SERP2: variants seen among roughly 807,000 people sequenced by gnomAD.
SERP2 encodes stress-associated endoplasmic reticulum protein 2.
SERP2 carries 6 observed loss-of-function variants against 9.1 expected under a neutral mutation model. The observed-to-expected ratio is 0.66, with a 90% confidence interval of 0.36 to 1.30. SERP2 has a LOEUF of 1.30. Ranked by LOEUF, SERP2 falls within the 50% of genes most tolerant of loss-of-function variation. The pLI is 0.03. For synonymous variants in SERP2, 37 were observed against 27.3 expected, an observed-to-expected ratio of 1.35 and a Z score of -1.10; for missense variants, 58 against 81.9, an observed-to-expected ratio of 0.71 and a Z score of 1.13.
At chr13:44,392,364 G>A (rs1042679701) in intron 2 of SERP2, among the ~76,000 whole-genome samples, 3 of 151,974 alleles carry the variant, frequency 2.0e-5, no homozygotes, top group Non-Finnish European at 2.9e-5. Context: ...ATTGGGCAAC[G>A]GGAAGCTTTT....
chr13:44,374,146 CAG>C, intron 1 of SERP2, 37 bp downstream of exon 1: 1 of 1,365,350 alleles, frequency 7.3e-7, no homozygotes, highest in Non-Finnish European at 9.9e-7. Flanking sequence ...CAGAGCCCTG[CAG>C]CCCGGCGGGG....
At chr13:44,374,999 A>G (rs1421502351) in intron 1 of SERP2, among the ~76,000 whole-genome samples, 1 of 152,160 alleles carries the variant, frequency 6.6e-6, no homozygotes. Flanking sequence ...AGCAAAGCAG[A>G]TTATCATCAA....
At chr13:44,392,251 A>T (rs1249006804) in intron 2 of SERP2, among the ~76,000 whole-genome samples, 18 of 147,340 alleles carry the variant, frequency 1.2e-4, no homozygotes, top group Non-Finnish European at 1.8e-4. Flanking sequence ...GAGCTTTTGA[A>T]AACATGAGGG....
intron 2 of SERP2, among the ~76,000 whole-genome samples, chr13:44,392,120 C>A (rs1249684972): frequency 1.3e-4 from 18 of 137,130 alleles, no homozygotes; most frequent in Admixed American, 6.8e-4. Context: ...ATCGCTTGAA[C>A]CCGGAAGACA....
chr13:44,386,410 C>A (rs1384917857), intron 2 of SERP2, among the ~76,000 whole-genome samples: 2 of 152,068 alleles, frequency 1.3e-5, no homozygotes, highest in African/African-American at 4.8e-5. Flanking sequence ...TTTTTTGAGA[C>A]AGTCTCACTG....
At chr13:44,380,212 G>A (rs1871893752) in intron 2 of SERP2, among the ~76,000 whole-genome samples, 2 of 152,180 alleles carry the variant, frequency 1.3e-5, no homozygotes, top group African/African-American at 4.8e-5. Context: ...TTACACACAT[G>A]CAGATACACA....
At chr13:44,390,080 C>T (rs1472025394) in intron 2 of SERP2, among the ~76,000 whole-genome samples, 1 of 152,168 alleles carries the variant, frequency 6.6e-6, no homozygotes, top group Non-Finnish European at 1.5e-5. Flanking sequence ...TTACTGTTTC[C>T]CTAGAAGTTG....
intron 2 of SERP2, among the ~76,000 whole-genome samples, chr13:44,389,689 G>C (rs1872523525): frequency 6.6e-6 from 1 of 152,152 alleles, no homozygotes; most frequent in African/African-American, 2.4e-5. Context: ...CAGCCCCCCT[G>C]GATAGATAAA....
At chr13:44,379,600 A>T in intron 1 of SERP2, 41 bp from the exon 2 acceptor site, 1 of 1,439,536 alleles carries the variant, frequency 6.9e-7, no homozygotes, top group Non-Finnish European at 9.7e-7. Flanking sequence ...TTGTTTATTG[A>T]GTCAATGAAC....
chr13:44,392,196 C>CAAAAAA lies in SERP2; in HGVS notation c.158-5064_158-5059dup, dbSNP rs760513486. On this transcript the variant is annotated intron_variant, in intron 2 of 2. Transcript: ENST00000379179. The stretch of plus-strand genomic sequence containing the variant: ...CTGGTGACAGAGTGAGACTCTGTCT[C>CAAAAAA]AAAAAAAAAAAAAAAAAGCCCTGTG... 1.2e-3 allele frequency among the ~76,000 whole-genome samples: 42 copies of CAAAAAA among 35,984 alleles called. 5 individuals carry two copies. The highest frequency in any genetic ancestry group is 1.5e-3 in the Non-Finnish European group (34 of 22,700). The allele number at this position is 35,984 out of a possible 152,430, so 23.6% of individuals were successfully genotyped here.
intron 2 of SERP2, among the ~76,000 whole-genome samples, chr13:44,384,573 C>T (rs1872209380): frequency 6.6e-6 from 1 of 152,192 alleles, no homozygotes; most frequent in African/African-American, 2.4e-5. Context: ...CCCTGGCCTG[C>T]AACACTCAGG....
In SERP2 at chr13:44,397,536, G is replaced by C; in HGVS notation, c.*224G>C. 1.7e-6 allele frequency: 1 copy of C among 579,692 alleles called. No homozygotes were observed. 35.9% of individuals were successfully genotyped at this position (579,692 alleles called of 1,614,324 possible). ...AGCGGAAAGGACATTTTGCTTTTCTGTTGGCAGGATTAGTAGCCACGCGGG... is the reference window on the plus strand; with the variant it reads ...AGCGGAAAGGACATTTTGCTTTTCTCTTGGCAGGATTAGTAGCCACGCGGG... On this transcript the variant is annotated 3_prime_UTR_variant, in exon 3 of 3. Coordinates refer to ENST00000379179, the MANE Select transcript of SERP2 (RefSeq NM_001010897.3).
intron 2 of SERP2, among the ~76,000 whole-genome samples, chr13:44,393,429 A>G (rs1872898035): frequency 6.6e-6 from 1 of 152,164 alleles, no homozygotes; most frequent in Admixed American, 6.6e-5. Flanking sequence ...AAGGGCCAGG[A>G]TCCTTGACAC....
Position 44,391,390 on chromosome 13 carries a change from A to G in SERP2, c.158-5882A>G, listed in dbSNP as rs60254418. ...TGTAATTTCCTCTGTGCTCTTTGCA[A>G]TCGTTCACTTTTCAGTAATTCAATA... On this transcript the variant is annotated intron_variant, in intron 2 of 2. Transcript: ENST00000379179. Among the ~76,000 whole-genome samples, 1,175 of 152,318 alleles carry G rather than the reference A, an allele frequency of 7.7e-3. 24 individuals carry two copies. The highest frequency in any genetic ancestry group is 0.037 in the Admixed American group (562 of 15,306).
upstream of SERP2, chr13:44,373,704 G>A (rs907131401): frequency 1.9e-5 from 6 of 320,960 alleles, no homozygotes; most frequent in South Asian, 2.9e-4. This position sits in a 1 kb window ranked among gnomAD's most constrained non-coding sequence, Gnocchi z 4.8. Flanking sequence ...GCTGCGCTCC[G>A]GCCGCTCGGC....
intron 2 of SERP2, among the ~76,000 whole-genome samples, chr13:44,391,627 A>C (rs1872775640): frequency 6.6e-6 from 1 of 152,228 alleles, no homozygotes; most frequent in Non-Finnish European, 1.5e-5. Flanking sequence ...GTGTACTCTC[A>C]GGTAAGTGGT....
chr13:44,392,755 G>A (rs1010667985), intron 2 of SERP2, among the ~76,000 whole-genome samples: 3 of 152,144 alleles, frequency 2.0e-5, no homozygotes, highest in Admixed American at 6.5e-5. Flanking sequence ...ATATCAACTA[G>A]ATAGTGGAAG....
chr13:44,388,854 T>G (rs1439199412), intron 2 of SERP2, among the ~76,000 whole-genome samples: 1 of 152,184 alleles, frequency 6.6e-6, no homozygotes, highest in Non-Finnish European at 1.5e-5. Context: ...GCTGGAGGCC[T>G]CTCCATTTCT....
Position 44,390,335 on chromosome 13 carries a change from C to T in SERP2, c.158-6937C>T, listed in dbSNP as rs774921932. 178 of 421,108 alleles carry T rather than the reference C, an allele frequency of 4.2e-4. 1 individual carries two copies. Among genetic ancestry groups the T allele is most frequent in the South Asian group, 2.6e-3 (162 of 61,668 alleles). The allele number at this position is 421,108 out of a possible 1,614,324, so 26.1% of individuals were successfully genotyped here. A position where few individuals can be genotyped will look rare whatever the true frequency, so the allele number is the denominator to read the frequency against. Reference sequence around the variant, plus strand: ...CCCTGGACACTTGCTCCAGGACAGACTTGAATTCGCCATATTTGCAGGTCA... The same window carrying T: ...CCCTGGACACTTGCTCCAGGACAGATTTGAATTCGCCATATTTGCAGGTCA... On this transcript the variant is annotated intron_variant, in intron 2 of 2. Transcript: ENST00000379179.
Sources: gnomAD v4.1 joint callset for allele counts (sites outside exome capture counted in the v4.1 genomes callset) on GRCh38, gnomAD v4.1.1 for gene constraint, Gnocchi (gnomAD v3.1) non-coding constraint, MANE v1.5 for transcripts, NCBI Gene and HGNC (gene_info 2026-07-23, HGNC 2026-07-21) for gene names.